PAK5: variants seen among roughly 807,000 people sequenced by gnomAD.
The protein encoded by PAK5 is serine/threonine-protein kinase PAK 5.
Under a neutral mutation model 65.9 loss-of-function variants are expected in PAK5, and 16 were observed. The ratio of observed to expected loss-of-function variants is 0.24; its 90% CI spans 0.16 to 0.37. PAK5 has a LOEUF of 0.37. Ranked by LOEUF, PAK5 falls within the 10% of genes least tolerant of loss-of-function variation. The pLI, the probability that PAK5 is intolerant of heterozygous loss-of-function variation, is 1.00. For synonymous variants in PAK5, 371 were observed against 354.9 expected (o/e 1.05, Z -0.51); for missense variants, 785 against 903.9 (o/e 0.87, Z 1.69).
At chr20:9,599,697 G>C (rs1387892096) in intron 3 of PAK5, among the ~76,000 whole-genome samples, 1 of 151,492 alleles carries the variant, frequency 6.6e-6, no homozygotes, top group Non-Finnish European at 1.5e-5. Flanking sequence ...TATTTGAGTT[G>C]GGCTGTTTCT....
At chr20:9,563,294 T>G (rs2045620606) in intron 5 of PAK5, among the ~76,000 whole-genome samples, 1 of 152,090 alleles carries the variant, frequency 6.6e-6, no homozygotes, top group Non-Finnish European at 1.5e-5. Context: ...AAAGCAAGAT[T>G]TGCATTCACA....
intron 1 of PAK5, among the ~76,000 whole-genome samples, chr20:9,794,660 G>A (rs763063455): frequency 6.6e-6 from 1 of 152,052 alleles, no homozygotes; most frequent in Non-Finnish European, 1.5e-5. Context: ...CACTGGAAAT[G>A]AGAACATCAA....
intron 6 of PAK5, 100 bp from the exon 7 acceptor site, chr20:9,557,834 G>T: frequency 1.1e-6 from 1 of 884,330 alleles, no homozygotes; most frequent in Admixed American, 2.2e-5. Context: ...AACAGTCCAC[G>T]TGCTCCAGCC....
At chr20:9,539,665 A>AC in intron 9 of PAK5, 48 bp from the exon 10 acceptor site, 1 of 1,506,248 alleles carries the variant, frequency 6.6e-7, no homozygotes. Context: ...CAGACACCTA[A>AC]CCCAGTCCCC....
At chr20:9,685,853 C>A (rs146108474) in intron 2 of PAK5, among the ~76,000 whole-genome samples, 240 of 152,266 alleles carry the variant, frequency 1.6e-3, no homozygotes, top group African/African-American at 5.6e-3. Flanking sequence ...GTCAATGACA[C>A]CCTCTGTGTT....
intron 3 of PAK5, among the ~76,000 whole-genome samples, chr20:9,638,593 C>T (rs969212423): frequency 6.6e-6 from 1 of 152,190 alleles, no homozygotes; most frequent in African/African-American, 2.4e-5. Context: ...AATTCTTGGG[C>T]CCCATCCCAG....
At chr20:9,732,931 T>C (rs561218766) in intron 1 of PAK5, among the ~76,000 whole-genome samples, 1 of 152,222 alleles carries the variant, frequency 6.6e-6, no homozygotes, top group Non-Finnish European at 1.5e-5. Flanking sequence ...AACAGTAGCA[T>C]AATCTGGAAA....
chr20:9,807,370 AC>A (rs2049245387), intron 1 of PAK5, among the ~76,000 whole-genome samples: 1 of 152,144 alleles, frequency 6.6e-6, no homozygotes, highest in African/African-American at 2.4e-5. Context: ...TTTGGCAAAT[AC>A]TCAGTGTTGG....
intron 7 of PAK5, 26 bp downstream of exon 7, chr20:9,557,582 G>T (rs752518907): frequency 3.8e-6 from 6 of 1,585,794 alleles, no homozygotes; most frequent in Non-Finnish European, 4.3e-6. Flanking sequence ...GAAAAACTAC[G>T]AACGGGCCAA....
At chr20:9,569,690 A>ATTTTAGTCAAGTCAACCTCTCTG (rs2045742665) in intron 4 of PAK5, among the ~76,000 whole-genome samples, 1 of 152,018 alleles carries the variant, frequency 6.6e-6, no homozygotes, top group African/African-American at 2.4e-5. Context: ...GATGCATAAG[A>ATTTTAGTCAAGTCAACCTCTCTG]AGGTAGTCAT....
intron 1 of PAK5, among the ~76,000 whole-genome samples, chr20:9,837,115 A>C (rs1979209701): frequency 6.6e-6 from 1 of 152,216 alleles, no homozygotes. Flanking sequence ...GCAGAGACCT[A>C]GTACAATCTC....
rs59352524 is a variant in PAK5, at chr20:9,743,406, GAAACA to G, written c.-161-31976_-161-31972del. On this transcript the variant is annotated intron_variant, in intron 1 of 9. Coordinates refer to ENST00000353224, the MANE Select transcript of PAK5 (RefSeq NM_177990.4). Reference sequence around the variant, plus strand: ...GCAAACAAGCCAAAAAAAAACAAACGAAACAAAACAAAACAAAACAAACAAACAAA... The same window carrying G: ...GCAAACAAGCCAAAAAAAAACAAACGAAACAAAACAAAACAAACAAACAAA... Among the ~76,000 whole-genome samples the G allele has an allele frequency of 7.0e-3, 1,053 of 150,422 alleles. 16 individuals carry two copies. Among genetic ancestry groups the G allele is most frequent in the African/African-American group, 0.023 (932 of 41,012 alleles).
At chr20:9,637,192 T>C (rs1338081649) in intron 3 of PAK5, among the ~76,000 whole-genome samples, 1 of 152,102 alleles carries the variant, frequency 6.6e-6, no homozygotes, top group South Asian at 2.1e-4. Context: ...TTACTTTTAG[T>C]GGAGACGAGG....
chr20:9,541,414 C>T (rs1216197069), intron 9 of PAK5, among the ~76,000 whole-genome samples: 6 of 152,094 alleles, frequency 3.9e-5, no homozygotes, highest in Non-Finnish European at 8.8e-5. Context: ...CAGAAAAGAC[C>T]CCACTCGGTC....
At chr20:9,666,329 T>A (rs1378758778) in intron 2 of PAK5, among the ~76,000 whole-genome samples, 1 of 143,052 alleles carries the variant, frequency 7.0e-6, no homozygotes. Flanking sequence ...TGGAGTCCAG[T>A]GACAATAACA....
intron 3 of PAK5, among the ~76,000 whole-genome samples, chr20:9,588,194 T>A (rs1455893946): frequency 6.6e-6 from 1 of 152,154 alleles, no homozygotes; most frequent in African/African-American, 2.4e-5. Context: ...ATGATGTGGT[T>A]ACAAACATTT....
chr20:9,633,021 A>C (rs1171123477), intron 3 of PAK5, among the ~76,000 whole-genome samples: 1 of 152,166 alleles, frequency 6.6e-6, no homozygotes, highest in Non-Finnish European at 1.5e-5. Flanking sequence ...TCTAATTGAA[A>C]AGGCTGGTAT....
chr20:9,697,931 T>C (rs2047890497), intron 2 of PAK5, among the ~76,000 whole-genome samples: 1 of 152,104 alleles, frequency 6.6e-6, no homozygotes, highest in Non-Finnish European at 1.5e-5. Context: ...AAACATTGAC[T>C]AATGTTTTAA....
chr20:9,583,827 C>A (rs1167961081), intron 3 of PAK5, among the ~76,000 whole-genome samples: 1 of 152,174 alleles, frequency 6.6e-6, no homozygotes, highest in East Asian at 1.9e-4. Context: ...TGTTTTCTGT[C>A]CTTATTGTTT....
Sources: allele counts gnomAD v4.1 joint callset (sites outside exome capture counted in the v4.1 genomes callset), GRCh38; gene constraint gnomAD v4.1.1; transcripts MANE v1.5; gene names NCBI Gene and HGNC (gene_info 2026-07-23, HGNC 2026-07-21).